The following RETREG1 variants were observed in gnomAD, a reference collection of about 807,000 sequenced individuals.
RETREG1 encodes family with sequence similarity 134 member B.
A neutral mutation model predicts 54.8 loss-of-function variants in RETREG1; 44 were observed. The ratio of observed to expected loss-of-function variants is 0.80; its 90% CI spans 0.63 to 1.03. The LOEUF (loss-of-function observed/expected upper bound fraction) is 1.03. Among genes scored for constraint, RETREG1 ranks in the 50% least tolerant of loss-of-function variants. The probability of loss-of-function intolerance (pLI) is 0.00; values close to 1 mark genes in which losing one functional copy is unlikely to be tolerated. For missense variants in RETREG1, 554 were observed against 605.1 expected (o/e 0.92, Z 0.89); for synonymous variants, 217 against 238.5 (o/e 0.91, Z 0.83).
At chr5:16,504,199 C>T (rs1579619524) in intron 3 of RETREG1, among the ~76,000 whole-genome samples, 1 of 152,218 alleles carries the variant, frequency 6.6e-6, no homozygotes, top group African/African-American at 2.4e-5. Context: ...ATAACGGCTT[C>T]CAGCTCCATC....
intron 1 of RETREG1, among the ~76,000 whole-genome samples, chr5:16,607,511 G>A (rs1743225570): frequency 1.3e-5 from 2 of 152,028 alleles, no homozygotes; most frequent in Admixed American, 1.3e-4. Context: ...CTACTTGGGA[G>A]GCTGAGGCAG....
intron 3 of RETREG1, among the ~76,000 whole-genome samples, chr5:16,533,658 C>T (rs1217964489): frequency 1.3e-5 from 2 of 152,126 alleles, no homozygotes; most frequent in African/African-American, 2.4e-5. Flanking sequence ...ACAAGGGTTC[C>T]TGGTGGCAAA....
intron 3 of RETREG1, among the ~76,000 whole-genome samples, chr5:16,537,669 G>GAGT (rs1741114733): frequency 6.6e-6 from 1 of 152,172 alleles, no homozygotes; most frequent in African/African-American, 2.4e-5. Flanking sequence ...CTGCACTCCA[G>GAGT]CCTGGGGACA....
intron 3 of RETREG1, among the ~76,000 whole-genome samples, chr5:16,526,284 G>C (rs1028461515): frequency 2.6e-5 from 4 of 152,154 alleles, no homozygotes; most frequent in Non-Finnish European, 5.9e-5. Context: ...AGAAAATCTC[G>C]AGTCTCATTT....
chr5:16,523,921 C>T (rs1740617322), intron 3 of RETREG1, among the ~76,000 whole-genome samples: 1 of 152,098 alleles, frequency 6.6e-6, no homozygotes, highest in African/African-American at 2.4e-5. Flanking sequence ...TCTTGCCTCC[C>T]CTTTCTGTTG....
intron 3 of RETREG1, among the ~76,000 whole-genome samples, chr5:16,539,394 G>C (rs192484864): frequency 2.6e-5 from 4 of 152,090 alleles, no homozygotes; most frequent in Non-Finnish European, 5.9e-5. Flanking sequence ...CATTTGCACC[G>C]GGAATCCAGA....
intron 3 of RETREG1, among the ~76,000 whole-genome samples, chr5:16,495,813 T>C (rs1386909745): frequency 7.4e-6 from 1 of 135,230 alleles, no homozygotes; most frequent in Non-Finnish European, 1.6e-5. Flanking sequence ...AAAAAAAAAA[T>C]AGATGAGTAT....
chr5:16,493,955 T>C (rs2126538032), intron 3 of RETREG1, among the ~76,000 whole-genome samples: 1 of 152,340 alleles, frequency 6.6e-6, no homozygotes, highest in South Asian at 2.1e-4. Context: ...AGCAATAACC[T>C]GGAAGATGGC....
intron 3 of RETREG1, among the ~76,000 whole-genome samples, chr5:16,552,254 T>C (rs1026399718): frequency 6.6e-6 from 1 of 152,232 alleles, no homozygotes; most frequent in Non-Finnish European, 1.5e-5. Context: ...GGTTAATTTA[T>C]GCCTGGGAGC....
chr5:16,524,716 G>C (rs895920850), intron 3 of RETREG1, among the ~76,000 whole-genome samples: 19 of 152,210 alleles, frequency 1.2e-4, no homozygotes, highest in African/African-American at 4.6e-4. Flanking sequence ...TGCTACTCCA[G>C]CTTCTGTGTC....
chr5:16,538,962 C>T (rs763899896), intron 3 of RETREG1, among the ~76,000 whole-genome samples: 17 of 152,140 alleles, frequency 1.1e-4, no homozygotes, highest in Non-Finnish European at 2.1e-4. Flanking sequence ...CCTGGGCCTC[C>T]CAGAGTGCTG....
intron 3 of RETREG1, among the ~76,000 whole-genome samples, chr5:16,507,893 G>A (rs572294648): frequency 1.3e-5 from 2 of 152,296 alleles, no homozygotes; most frequent in South Asian, 4.1e-4. Flanking sequence ...TTCCAATGAA[G>A]GCATCTAACT....
At chr5:16,506,462 T>C (rs1047806192) in intron 3 of RETREG1, among the ~76,000 whole-genome samples, 5 of 142,256 alleles carry the variant, frequency 3.5e-5, no homozygotes, top group African/African-American at 1.1e-4. Flanking sequence ...TCCATTGCAA[T>C]CTTTTTGTTT....
rs1328521949 is a variant in RETREG1 at position 16,585,635 on chromosome 5, G to C, written c.321-13533C>G. Among the ~76,000 whole-genome samples the C allele has an allele frequency of 6.6e-6, 1 of 152,164 alleles. No homozygotes were observed. Among genetic ancestry groups the C allele is most frequent in the Admixed American group, 6.5e-5 (1 of 15,272 alleles). On this transcript the variant is annotated intron_variant, in intron 1 of 8. Coordinates refer to ENST00000306320, the MANE Select transcript of RETREG1 (RefSeq NM_001034850.3). This position sits in a 1 kb window ranked among gnomAD's most constrained non-coding sequence, Gnocchi z 4.5. ...CTAGGTACTAGGCCATTCTTGCATTGCCCTAAAGAAATACCTGAGACTGGG... is the reference window on the plus strand; with the variant it reads ...CTAGGTACTAGGCCATTCTTGCATTCCCCTAAAGAAATACCTGAGACTGGG...
At chr5:16,499,645 C>A (rs965474829) in intron 3 of RETREG1, among the ~76,000 whole-genome samples, 2 of 152,194 alleles carry the variant, frequency 1.3e-5, no homozygotes, top group Admixed American at 6.5e-5. Flanking sequence ...ATATGGCTAG[C>A]AAGGCGGCCA....
chr5:16,560,396 A>G (rs1237466310), intron 3 of RETREG1, among the ~76,000 whole-genome samples: 2 of 152,212 alleles, frequency 1.3e-5, no homozygotes, highest in African/African-American at 4.8e-5. Flanking sequence ...TAACAATGGC[A>G]CTGTGAGTGG....
intron 3 of RETREG1, among the ~76,000 whole-genome samples, chr5:16,509,850 C>T (rs181025465): frequency 2.0e-5 from 3 of 151,916 alleles, no homozygotes; most frequent in Admixed American, 6.5e-5. Context: ...TAAAATTAGC[C>T]GGGCCTGATG....
At chr5:16,606,785 T>C (rs1743202758) in intron 1 of RETREG1, among the ~76,000 whole-genome samples, 1 of 152,150 alleles carries the variant, frequency 6.6e-6, no homozygotes, top group Non-Finnish European at 1.5e-5. Context: ...TGCAATGGTG[T>C]CCCAGCTGGT....
intron 3 of RETREG1, among the ~76,000 whole-genome samples, chr5:16,527,902 T>C (rs1740773078): frequency 7.1e-6 from 1 of 140,696 alleles, no homozygotes; most frequent in South Asian, 2.4e-4. Context: ...CTCCGCCTCC[T>C]GGGTTCATGC....
Sources: allele counts gnomAD v4.1 joint callset (sites outside exome capture counted in the v4.1 genomes callset), GRCh38; gene constraint gnomAD v4.1.1; non-coding constraint Gnocchi (gnomAD v3.1); transcripts MANE v1.5; gene names NCBI Gene and HGNC (gene_info 2026-07-23, HGNC 2026-07-21).